Variants in SLC23A2 observed in about 807,000 individuals in gnomAD.
SLC23A2 encodes the protein Na(+)/L-ascorbic acid transporter 2.
In SLC23A2, 36 loss-of-function variants were observed where a neutral mutation model predicts 73.3. The ratio of observed to expected loss-of-function variants is 0.49; its 90% CI spans 0.38 to 0.65. The LOEUF (loss-of-function observed/expected upper bound fraction) is 0.65, where lower values mean the gene tolerates loss of function less well. SLC23A2 is among the 30% of genes least tolerant of loss of function. The pLI is 0.00. For synonymous variants in SLC23A2, 343 were observed against 327.3 expected, an observed-to-expected ratio of 1.05 and a Z score of -0.52; for missense variants, 507 against 841.6, an observed-to-expected ratio of 0.60 and a Z score of 4.92.
intron 2 of SLC23A2, among the ~76,000 whole-genome samples, chr20:4,959,738 G>A (rs986994230): frequency 2.6e-5 from 4 of 152,020 alleles, no homozygotes; most frequent in Admixed American, 1.3e-4. Context: ...CAAACCTCCC[G>A]CCTTGACCTC....
At chr20:4,982,075 A>G (rs1600199806) in intron 1 of SLC23A2, among the ~76,000 whole-genome samples, 1 of 150,574 alleles carries the variant, frequency 6.6e-6, no homozygotes, top group Admixed American at 6.6e-5. Context: ...GCTCAATGCA[A>G]CCTCCACCTC....
Position 4,972,812 on chromosome 20 carries a change from C to CCT in SLC23A2, c.-281-1894_-281-1893insAG, listed in dbSNP as rs539515542. 8.8e-3 allele frequency among the ~76,000 whole-genome samples: 1,337 copies of CCT among 151,328 alleles called. 18 individuals are homozygous for CCT. The highest frequency in any genetic ancestry group is 0.039 in the East Asian group (199 of 5,078). On this transcript the variant is annotated intron_variant, in intron 1 of 16. Transcript: ENST00000338244. The stretch of plus-strand genomic sequence containing the variant: ...ATGCTGGCCAGGCTGGTCTTGAACT[C>CCT]GACCTTAGGTGATCCACCCGCCTCG...
intron 13 of SLC23A2, among the ~76,000 whole-genome samples, chr20:4,865,382 A>C (rs1415594236): frequency 6.6e-6 from 1 of 152,188 alleles, no homozygotes; most frequent in African/African-American, 2.4e-5. Context: ...CCAGGTAGGG[A>C]GGCACTCAGG....
chr20:4,996,219 G>C (rs762723766), intron 1 of SLC23A2, among the ~76,000 whole-genome samples: 1 of 152,154 alleles, frequency 6.6e-6, no homozygotes, highest in South Asian at 2.1e-4. Context: ...GGGTCCAACA[G>C]AGAAGCGCAC....
chr20:4,861,834 TC>T, intron 15 of SLC23A2, 113 bp downstream of exon 15: 2 of 1,041,808 alleles, frequency 1.9e-6, no homozygotes, highest in South Asian at 3.0e-5. Flanking sequence ...CACAGACGCA[TC>T]TGCACCACAG....
chr20:4,878,195 CT>C (rs201124564), intron 9 of SLC23A2, among the ~76,000 whole-genome samples: 2 of 150,768 alleles, frequency 1.3e-5, no homozygotes, highest in Admixed American at 6.6e-5. Flanking sequence ...ATTTTCCCAG[CT>C]TTTTTTTTGA....
rs1225459603 is a variant in SLC23A2 at position 4,892,096 on chromosome 20, C to T, written c.483-6187G>A. Among the ~76,000 whole-genome samples, 3 of 151,970 alleles carry T rather than the reference C, an allele frequency of 2.0e-5. No homozygotes were observed. In the East Asian group the frequency reaches 5.9e-4, roughly 30 times the overall value. On this transcript the variant is annotated intron_variant, in intron 6 of 16. Coordinates refer to ENST00000338244, the MANE Select transcript of SLC23A2 (RefSeq NM_005116.6). The stretch of plus-strand genomic sequence containing the variant: ...TTAGTTTACCATTGAGGAAACAGGG[C>T]TTGGAGAGAGCTTGTCCAAAGTCAC...
chr20:4,889,488 G>A (rs925871036), intron 6 of SLC23A2, among the ~76,000 whole-genome samples: 1 of 151,886 alleles, frequency 6.6e-6, no homozygotes, highest in Admixed American at 6.6e-5. Context: ...TAACCCTGAA[G>A]CTATTCTCAG....
At chr20:5,008,100 G>C (rs537458227) in intron 1 of SLC23A2, among the ~76,000 whole-genome samples, 317 of 152,092 alleles carry the variant, frequency 2.1e-3, no homozygotes, top group African/African-American at 7.2e-3. Context: ...AGTAGAGATG[G>C]GGTTTCACCA....
intron 1 of SLC23A2, among the ~76,000 whole-genome samples, chr20:4,972,576 GTT>G: frequency 6.9e-6 from 1 of 144,064 alleles, no homozygotes; most frequent in African/African-American, 2.5e-5. Context: ...GTTTTTTGGG[GTT>G]TTTTTGTTGT....
intron 2 of SLC23A2, among the ~76,000 whole-genome samples, chr20:4,941,586 C>T (rs1411951536): frequency 2.0e-5 from 3 of 151,750 alleles, no homozygotes; most frequent in African/African-American, 4.8e-5. Flanking sequence ...CCTGTAATCC[C>T]AGCCACTTGG....
intron 1 of SLC23A2, among the ~76,000 whole-genome samples, chr20:4,985,723 C>T (rs1483940591): frequency 2.0e-5 from 3 of 152,216 alleles, no homozygotes; most frequent in Admixed American, 6.5e-5. Flanking sequence ...GCTGGGATTA[C>T]AGGCATGAGC....
chr20:4,916,039 C>T (rs181498088), intron 3 of SLC23A2, among the ~76,000 whole-genome samples: 1 of 152,332 alleles, frequency 6.6e-6, no homozygotes, highest in African/African-American at 2.4e-5. Context: ...AATTCTCTTA[C>T]ATTACTTCAA....
chr20:4,912,804 C>A, intron 4 of SLC23A2, 76 bp downstream of exon 4: 1 of 936,170 alleles, frequency 1.1e-6, no homozygotes, highest in Non-Finnish European at 1.8e-6. Flanking sequence ...GAAAGGGATC[C>A]GGATCCAGAT....
intron 9 of SLC23A2, among the ~76,000 whole-genome samples, chr20:4,877,972 C>G (rs1337928163): frequency 6.6e-6 from 1 of 152,220 alleles, no homozygotes; most frequent in Admixed American, 6.5e-5. Context: ...TCAATTCCAA[C>G]AGAATCATGT....
chr20:4,930,731 A>C (rs928681321), intron 3 of SLC23A2, among the ~76,000 whole-genome samples: 1 of 152,152 alleles, frequency 6.6e-6, no homozygotes, highest in Non-Finnish European at 1.5e-5. Context: ...AGGCGGGAGA[A>C]TCGCTTGAAC....
intron 3 of SLC23A2, among the ~76,000 whole-genome samples, chr20:4,913,315 T>G (rs1932221565): frequency 6.6e-6 from 1 of 152,110 alleles, no homozygotes; most frequent in African/African-American, 2.4e-5. Context: ...CATAACCACC[T>G]GAGGCCGACT....
At position 4,883,696 on chromosome 20, in the gene SLC23A2, G is replaced by C. The variant is rs1434517248; in HGVS notation, c.770C>G (p.Ser257Cys). 6.2e-7 allele frequency: 1 copy of C among 1,613,904 alleles called. No homozygotes were observed. Among genetic ancestry groups the C allele is most frequent in the South Asian group, 1.1e-5 (1 of 91,046 alleles). ...TCTCTCCCCCGCTGCCTGGAAACCA[G>C]AGAGGCCAATTAGGGCCACCGTGGG... Reference protein sequence around the residue: ...ITPTVALIGLSGFQAAGERAG... With the variant: ...ITPTVALIGLCGFQAAGERAG... The change falls in exon 9 of 17, where the codon TCT becomes TGT. Residue 257 changes from serine (S) to cysteine (C), a missense_variant. Ser to Cys is a moderately radical substitution (Grantham distance 112). This residue lies in a region of SLC23A2 where 217 missense variants were observed against 398.0 expected (regional missense o/e 0.55). Coordinates refer to ENST00000338244, the MANE Select transcript of SLC23A2 (RefSeq NM_005116.6). The surrounding 1 kb of genome is among the most constrained non-coding windows in gnomAD (Gnocchi z 4.5).
intron 1 of SLC23A2, among the ~76,000 whole-genome samples, chr20:4,990,899 G>C (rs1490834507): frequency 6.8e-6 from 1 of 147,050 alleles, no homozygotes; most frequent in African/African-American, 2.5e-5. Flanking sequence ...AATCACCTGG[G>C]AGAAGGAGGT....
Sources: allele counts gnomAD v4.1 joint callset (sites outside exome capture counted in the v4.1 genomes callset), GRCh38; gene constraint gnomAD v4.1.1; regional missense constraint gnomAD v4.1.1; non-coding constraint Gnocchi (gnomAD v3.1); transcripts MANE v1.5; gene names NCBI Gene and HGNC (gene_info 2026-07-23, HGNC 2026-07-21).